Variants in CTNNA3 observed in about 807,000 individuals in gnomAD.
The protein encoded by CTNNA3 is catenin alpha 3.
A neutral mutation model predicts 95.7 loss-of-function variants in CTNNA3; 76 were observed. That is an observed-to-expected ratio of 0.79 (90% CI 0.66 to 0.96). The LOEUF is 0.96. Ranked by LOEUF, CTNNA3 falls within the 40% of genes least tolerant of loss-of-function variation. The probability of loss-of-function intolerance (pLI) is 0.00; values close to 1 mark genes in which losing one functional copy is unlikely to be tolerated. For synonymous variants in CTNNA3, 431 were observed against 374.4 expected, an observed-to-expected ratio of 1.15 and a Z score of -1.74; for missense variants, 1,191 against 1,089.8, an observed-to-expected ratio of 1.09 and a Z score of -1.31.
At chr10:66,046,923 A>T (rs2079840770) in intron 15 of CTNNA3, among the ~76,000 whole-genome samples, 1 of 152,118 alleles carries the variant, frequency 6.6e-6, no homozygotes. Context: ...CCCAAGACTG[A>T]CCCAGAAAGA....
At chr10:66,578,781 TTTC>T (rs1220509034) in intron 10 of CTNNA3, among the ~76,000 whole-genome samples, 6 of 77,998 alleles carry the variant, frequency 7.7e-5, no homozygotes, top group Non-Finnish European at 1.7e-4. Flanking sequence ...GATATTTTTC[TTTC>T]TTTTTTTTTT....
At chr10:67,703,207 G>C (rs1417078280) in intron 1 of CTNNA3, among the ~76,000 whole-genome samples, 1 of 152,138 alleles carries the variant, frequency 6.6e-6, no homozygotes, top group Non-Finnish European at 1.5e-5. Context: ...ACAAACAGGA[G>C]CTGGTACCAT....
At chr10:67,437,941 A>G (rs1846360327) in intron 5 of CTNNA3, among the ~76,000 whole-genome samples, 1 of 152,024 alleles carries the variant, frequency 6.6e-6, no homozygotes, top group African/African-American at 2.4e-5. Flanking sequence ...TAAAATAATT[A>G]TAAAAATGGT....
intron 13 of CTNNA3, among the ~76,000 whole-genome samples, chr10:66,123,554 C>A (rs1165336740): frequency 6.6e-6 from 1 of 152,244 alleles, no homozygotes; most frequent in Non-Finnish European, 1.5e-5. Context: ...CTAGACAGTG[C>A]CCCAGTAGGG....
At chr10:66,601,136 A>C (rs535459222) in intron 10 of CTNNA3, among the ~76,000 whole-genome samples, 2 of 152,040 alleles carry the variant, frequency 1.3e-5, no homozygotes, top group Admixed American at 1.3e-4. Flanking sequence ...GCCAGATCTC[A>C]GATGCATGAG....
intron 10 of CTNNA3, among the ~76,000 whole-genome samples, chr10:66,620,032 C>A (rs1844688093): frequency 6.6e-6 from 1 of 152,008 alleles, no homozygotes; most frequent in Non-Finnish European, 1.5e-5. Flanking sequence ...ATGATCTCTA[C>A]CTCATGTTAG....
chr10:67,012,010 T>C (rs532216591), intron 7 of CTNNA3, among the ~76,000 whole-genome samples: 1 of 152,286 alleles, frequency 6.6e-6, no homozygotes, highest in Admixed American at 6.5e-5. Context: ...AGGCATTATC[T>C]TTAGGTTTAA....
At chr10:67,163,666 A>G (rs1861643812) in intron 7 of CTNNA3, among the ~76,000 whole-genome samples, 1 of 152,014 alleles carries the variant, frequency 6.6e-6, no homozygotes, top group Non-Finnish European at 1.5e-5. Flanking sequence ...ACAGATTTAA[A>G]AGGAAGAAAT....
chr10:66,908,768 C>T (rs546933536), intron 7 of CTNNA3, among the ~76,000 whole-genome samples: 1 of 151,954 alleles, frequency 6.6e-6, no homozygotes, highest in Non-Finnish European at 1.5e-5. Context: ...CTGGATAGTG[C>T]CATTTTTATG....
At chr10:66,234,731 C>T (rs1482414047) in intron 13 of CTNNA3, among the ~76,000 whole-genome samples, 2 of 152,160 alleles carry the variant, frequency 1.3e-5, no homozygotes, top group Non-Finnish European at 2.9e-5. Flanking sequence ...CAGATCCCTT[C>T]CTCTTATTAT....
At chr10:66,328,151 T>C (rs79186137) in intron 12 of CTNNA3, among the ~76,000 whole-genome samples, 2,153 of 152,150 alleles carry the variant, frequency 0.014, 54 homozygotes, top group African/African-American at 0.05. Context: ...ATGACAACAA[T>C]CTTTTATTTG....
intron 7 of CTNNA3, among the ~76,000 whole-genome samples, chr10:66,842,561 C>T (rs1843104212): frequency 6.6e-6 from 1 of 152,036 alleles, no homozygotes; most frequent in Non-Finnish European, 1.5e-5. Flanking sequence ...TAGAGAAGAA[C>T]TTAATTGGTT....
intron 11 of CTNNA3, among the ~76,000 whole-genome samples, chr10:66,384,493 G>A (rs1239429064): frequency 6.6e-6 from 1 of 152,088 alleles, no homozygotes; most frequent in African/African-American, 2.4e-5. Context: ...ATAATAATGG[G>A]AGACTTTAAC....
intron 14 of CTNNA3, among the ~76,000 whole-genome samples, chr10:66,091,516 G>A (rs767681783): frequency 6.6e-6 from 1 of 151,774 alleles, no homozygotes; most frequent in Non-Finnish European, 1.5e-5. Context: ...TCTAAGTGTG[G>A]GGGAATACAT....
chr10:67,216,442 C>T (rs997961145), intron 6 of CTNNA3, among the ~76,000 whole-genome samples: 11 of 151,952 alleles, frequency 7.2e-5, no homozygotes, highest in African/African-American at 1.4e-4. Context: ...CACTTTCAGT[C>T]GGAGGAAGGA....
intron 13 of CTNNA3, among the ~76,000 whole-genome samples, chr10:66,139,457 G>T (rs1207878551): frequency 1.3e-5 from 2 of 151,898 alleles, no homozygotes; most frequent in Non-Finnish European, 2.9e-5. Flanking sequence ...GCCCTTCTTT[G>T]ACTACAATAC....
intron 12 of CTNNA3, among the ~76,000 whole-genome samples, chr10:66,357,656 T>C (rs1371482953): frequency 6.6e-5 from 10 of 152,154 alleles, no homozygotes; most frequent in African/African-American, 1.9e-4. Flanking sequence ...CCAAGTATTA[T>C]TATACTTGGA....
At chr10:67,364,294 C>T (rs1198734057) in intron 5 of CTNNA3, among the ~76,000 whole-genome samples, 2 of 152,132 alleles carry the variant, frequency 1.3e-5, no homozygotes, top group African/African-American at 2.4e-5. Context: ...GTCAAAAACT[C>T]TCAATAAACT....
At chr10:66,644,483 A>ATATG (rs1554829201) in intron 9 of CTNNA3, among the ~76,000 whole-genome samples, 4 of 145,766 alleles carry the variant, frequency 2.7e-5, no homozygotes, top group African/African-American at 1.0e-4. Flanking sequence ...GTTTATATAT[A>ATATG]TATATACACA....
Sources: allele counts gnomAD v4.1 joint callset (sites outside exome capture counted in the v4.1 genomes callset), GRCh38; gene constraint gnomAD v4.1.1; transcripts MANE v1.5; gene names NCBI Gene and HGNC (gene_info 2026-07-23, HGNC 2026-07-21).